Variants in IL18 observed in about 807,000 individuals in gnomAD.
The protein encoded by IL18 is interleukin-18.
IL18 carries 8 observed loss-of-function variants against 14.2 expected under a neutral mutation model. That is an observed-to-expected ratio of 0.56 (90% CI 0.33 to 1.01). The LOEUF (loss-of-function observed/expected upper bound fraction) is 1.01, where lower values mean the gene tolerates loss of function less well. IL18 is among the 50% of genes least tolerant of loss of function. The pLI, the probability that IL18 is intolerant of heterozygous loss-of-function variation, is 0.03. For missense variants in IL18, 166 were observed against 231.1 expected (o/e 0.72, Z 1.83); for synonymous variants, 67 against 71.0 (o/e 0.94, Z 0.28).
chr11:112,145,017 C>A (rs1227044007), intron 5 of IL18, among the ~76,000 whole-genome samples: 1 of 152,180 alleles, frequency 6.6e-6, no homozygotes, highest in East Asian at 1.9e-4. Flanking sequence ...AATCCTGGAA[C>A]CAGTAGATGT....
Position 112,143,529 on chromosome 11 carries a change from G to A in IL18, c.*67C>T, listed in dbSNP as rs562278295. The A allele has an allele frequency of 1.3e-5, 13 of 1,025,756 alleles. No homozygotes were observed. The highest frequency in any genetic ancestry group is 5.8e-5 in the South Asian group (4 of 69,550). The allele number at this position is 1,025,756 out of a possible 1,614,324, so 63.5% of individuals were successfully genotyped here. A position where few individuals can be genotyped will look rare whatever the true frequency, so the allele number is the denominator to read the frequency against. ...ACACCTGACCTCTGGTGATCTGCCC[G>A]CCTCAGCCTCCCAAAGGGCTGGGAT... is the stretch of plus-strand genomic sequence containing the variant. On this transcript the variant is annotated 3_prime_UTR_variant, in exon 6 of 6. Transcript: ENST00000280357.
At chr11:112,156,682 T>C (rs1343338429) in intron 1 of IL18, among the ~76,000 whole-genome samples, 1 of 152,108 alleles carries the variant, frequency 6.6e-6, no homozygotes, top group Non-Finnish European at 1.5e-5. Context: ...TGAGCTCAAA[T>C]GGTTTGCCTG....
intron 4 of IL18, among the ~76,000 whole-genome samples, chr11:112,149,558 G>GTTTTTTTT (rs561459069): frequency 9.1e-5 from 9 of 99,320 alleles, no homozygotes; most frequent in East Asian, 6.4e-4. Context: ...CTTTTCTTAA[G>GTTTTTTTT]TTTTTTTTTT....
intron 5 of IL18, 91 bp from the exon 6 acceptor site, chr11:112,143,908 A>C: frequency 2.4e-6 from 2 of 837,150 alleles, no homozygotes; most frequent in East Asian, 2.6e-5. Context: ...CAAACAGAAC[A>C]AAAGTAGTTT....
intron 4 of IL18, among the ~76,000 whole-genome samples, 182 bp from the exon 5 acceptor site, chr11:112,148,918 A>T (rs988889641): frequency 3.3e-5 from 5 of 152,208 alleles, no homozygotes; most frequent in Admixed American, 6.5e-5. Flanking sequence ...GGCCTGGCAC[A>T]GTGGCTCATG....
At chr11:112,163,682 C>G (rs745992265) in intron 1 of IL18, among the ~76,000 whole-genome samples, 2 of 152,020 alleles carry the variant, frequency 1.3e-5, no homozygotes, top group Non-Finnish European at 2.9e-5. Context: ...GTAAAGGGAA[C>G]ATGAGAGCAA....
chr11:112,157,931 C>T (rs181947396), intron 1 of IL18, among the ~76,000 whole-genome samples: 2 of 152,358 alleles, frequency 1.3e-5, no homozygotes, highest in African/African-American at 4.8e-5. Context: ...GATCTCGGCT[C>T]ACTGCAACCT....
Position 112,144,855 on chromosome 11 carries a change from G to T in IL18, c.361-1038C>A, listed in dbSNP as rs80008802. On this transcript the variant is annotated intron_variant, in intron 5 of 5. Transcript: ENST00000280357. ...TCTTGTATGTTTCAGTCACAGAATAGGGTCTTGTGAGAAATGGTTAGATTA... is the reference window on the plus strand; with the variant it reads ...TCTTGTATGTTTCAGTCACAGAATATGGTCTTGTGAGAAATGGTTAGATTA... Among the ~76,000 whole-genome samples the T allele has an allele frequency of 7.2e-3, 1,091 of 152,322 alleles. 7 individuals are homozygous for T. Among genetic ancestry groups the T allele is most frequent in the African/African-American group, 0.024 (1,017 of 41,580 alleles).
chr11:112,151,459 T>C (rs568063414), intron 3 of IL18, among the ~76,000 whole-genome samples: 1 of 152,298 alleles, frequency 6.6e-6, no homozygotes, highest in East Asian at 1.9e-4. Context: ...CTTTTTTCAT[T>C]GCCTCAATTA....
At chr11:112,151,259 A>G (rs5744257) in intron 3 of IL18, among the ~76,000 whole-genome samples, 1,952 of 152,338 alleles carry the variant, frequency 0.013, 21 homozygotes, top group Non-Finnish European at 0.018. Flanking sequence ...ACTCGTTGCC[A>G]TGGAGAGATG....
chr11:112,154,427 G>A (rs777065084), intron 2 of IL18, among the ~76,000 whole-genome samples: 33 of 151,960 alleles, frequency 2.2e-4, no homozygotes, highest in Non-Finnish European at 3.7e-4. Flanking sequence ...TCAGAAGGCT[G>A]AGGCAGGAGA....
At chr11:112,152,358 A>C (rs1452626956) in intron 3 of IL18, among the ~76,000 whole-genome samples, 1 of 152,146 alleles carries the variant, frequency 6.6e-6, no homozygotes, top group Non-Finnish European at 1.5e-5. Flanking sequence ...GTCTACCTTA[A>C]TTCATGACAC....
At chr11:112,153,678 C>G in intron 2 of IL18, 75 bp from the exon 3 acceptor site, 2 of 1,090,342 alleles carry the variant, frequency 1.8e-6, no homozygotes, top group South Asian at 1.5e-5. Flanking sequence ...CTCATTCTAG[C>G]TTTTACTTTT....
intron 4 of IL18, among the ~76,000 whole-genome samples, chr11:112,149,680 C>G (rs812703): frequency 6.7e-6 from 1 of 149,812 alleles, no homozygotes; most frequent in African/African-American, 2.5e-5. Context: ...GTCCTGGCCT[C>G]AAGCAATCCT....
intron 1 of IL18, among the ~76,000 whole-genome samples, chr11:112,162,570 C>G (rs1866651027): frequency 6.6e-6 from 1 of 152,060 alleles, no homozygotes; most frequent in South Asian, 2.1e-4. Flanking sequence ...GTCTTGAACT[C>G]CTGAGCTGAA....
intron 5 of IL18, among the ~76,000 whole-genome samples, chr11:112,145,228 T>C (rs1866315733): frequency 1.3e-5 from 2 of 152,228 alleles, no homozygotes; most frequent in Non-Finnish European, 2.9e-5. Flanking sequence ...TTGTTCTTTA[T>C]CAACAAGTGT....
intron 1 of IL18, among the ~76,000 whole-genome samples, chr11:112,155,299 T>TA (rs371196441): frequency 5.4e-4 from 83 of 152,302 alleles, no homozygotes; most frequent in African/African-American, 1.9e-3. Context: ...TTATAAAGGG[T>TA]AGATAAATGG....
chr11:112,161,362 TA>T (rs1380313589), intron 1 of IL18, among the ~76,000 whole-genome samples: 1 of 152,226 alleles, frequency 6.6e-6, no homozygotes, highest in Non-Finnish European at 1.5e-5. Context: ...CCTGCAATTC[TA>T]GACTCTAGTT....
intron 3 of IL18, among the ~76,000 whole-genome samples, chr11:112,151,479 A>T (rs1866438544): frequency 6.6e-6 from 1 of 152,184 alleles, no homozygotes; most frequent in Admixed American, 6.5e-5. Flanking sequence ...AGTTACAATT[A>T]ACACATTATT....
Sources: gnomAD v4.1 joint callset for allele counts (sites outside exome capture counted in the v4.1 genomes callset) on GRCh38, gnomAD v4.1.1 for gene constraint, MANE v1.5 for transcripts, NCBI Gene and HGNC (gene_info 2026-07-23, HGNC 2026-07-21) for gene names.